CYTH3: variants seen among roughly 807,000 people sequenced by gnomAD.
CYTH3 encodes cytohesin-3.
CYTH3 carries 23 observed loss-of-function variants against 55.1 expected under a neutral mutation model. That is an observed-to-expected ratio of 0.42 (90% CI 0.30 to 0.59). CYTH3 has a LOEUF of 0.59. CYTH3 is among the 20% of genes least tolerant of loss of function. The pLI is 0.20. For synonymous variants in CYTH3, 249 were observed against 194.9 expected, an observed-to-expected ratio of 1.28 and a Z score of -2.31; for missense variants, 413 against 524.8, an observed-to-expected ratio of 0.79 and a Z score of 2.08.
intron 1 of CYTH3, among the ~76,000 whole-genome samples, chr7:6,225,775 G>A (rs1460450629): frequency 6.6e-6 from 1 of 152,006 alleles, no homozygotes; most frequent in African/African-American, 2.4e-5. Context: ...CGCCTCCTGG[G>A]TTCAAGCGGT....
chr7:6,188,673 C>T (rs1039176452), intron 2 of CYTH3: 1 of 152,254 alleles, frequency 6.6e-6, no homozygotes, highest in Admixed American at 6.5e-5. Context: ...GACCCCCTTT[C>T]CCTTGATGTG....
At chr7:6,204,025 C>T (rs762024409) in intron 1 of CYTH3, among the ~76,000 whole-genome samples, 3 of 151,192 alleles carry the variant, frequency 2.0e-5, no homozygotes, top group Non-Finnish European at 2.9e-5. Flanking sequence ...CTTCATATTT[C>T]ACTTTTTATA....
At chr7:6,263,186 G>T (rs1780397987) in intron 1 of CYTH3, among the ~76,000 whole-genome samples, 1 of 152,054 alleles carries the variant, frequency 6.6e-6, no homozygotes, top group Non-Finnish European at 1.5e-5. Context: ...TAATATAACA[G>T]CTTTTAAAAT....
At chr7:6,178,314 C>T (rs1014294577) in intron 4 of CYTH3, among the ~76,000 whole-genome samples, 1 of 152,232 alleles carries the variant, frequency 6.6e-6, no homozygotes. Context: ...TGGCCACTGC[C>T]GGTTGGCCAA....
chr7:6,252,609 A>G (rs1231899427), intron 1 of CYTH3, among the ~76,000 whole-genome samples: 1 of 152,164 alleles, frequency 6.6e-6, no homozygotes, highest in Non-Finnish European at 1.5e-5. Flanking sequence ...ATCACCGGAT[A>G]CATGAACAAC....
At chr7:6,181,868 A>C (rs1273637577) in intron 4 of CYTH3, among the ~76,000 whole-genome samples, 1 of 152,142 alleles carries the variant, frequency 6.6e-6, no homozygotes, top group African/African-American at 2.4e-5. Flanking sequence ...CATATGCTCA[A>C]GTGATGATGT....
intron 1 of CYTH3, among the ~76,000 whole-genome samples, chr7:6,246,250 A>G (rs991568616): frequency 4.6e-5 from 7 of 151,180 alleles, no homozygotes; most frequent in African/African-American, 1.7e-4. Flanking sequence ...TTTTTTTTTA[A>G]AAGAGACAGG....
chr7:6,210,959 G>A (rs775746254), intron 1 of CYTH3, among the ~76,000 whole-genome samples: 34 of 152,138 alleles, frequency 2.2e-4, no homozygotes, highest in Non-Finnish European at 4.6e-4. Context: ...TGGAGAAATC[G>A]ATATTCCGGA....
At position 6,171,252 on chromosome 7, in the gene CYTH3, G is replaced by T; in HGVS notation, c.512C>A (p.Ala171Asp). The T allele has an allele frequency of 6.2e-7, 1 of 1,614,172 alleles. No individual in the cohort carries two copies. Among genetic ancestry groups the T allele is most frequent in the African/African-American group, 1.3e-5 (1 of 75,052 alleles). ...EAQKIDRMME[A>D]FASRYCLCNP... Reference sequence around the variant, plus strand: ...GCACAGGCAGTAGCGAGAAGCGAAAGCCTCCATCATGCGATCAATCTTCTG... The same window carrying T: ...GCACAGGCAGTAGCGAGAAGCGAAATCCTCCATCATGCGATCAATCTTCTG... Residue 171 changes from alanine (A) to aspartate (D), a missense_variant, in exon 7 of 13, where the codon GCT (alanine) becomes GAT (aspartate). Ala to Asp is a moderately radical substitution (Grantham distance 126, BLOSUM62 -2). Coordinates refer to ENST00000350796, the MANE Select transcript of CYTH3 (RefSeq NM_004227.4). The surrounding 1 kb of genome is among the most constrained non-coding windows in gnomAD (Gnocchi z 6.7).
intron 1 of CYTH3, among the ~76,000 whole-genome samples, chr7:6,252,438 G>A (rs1019564649): frequency 6.6e-6 from 1 of 152,112 alleles, no homozygotes; most frequent in Non-Finnish European, 1.5e-5. Flanking sequence ...GACTAGTCAC[G>A]AACAAAATTA....
chr7:6,165,657 C>G (rs1364713635), intron 10 of CYTH3, 41 bp from the exon 11 acceptor site: 2 of 1,613,020 alleles, frequency 1.2e-6, no homozygotes, highest in Non-Finnish European at 1.7e-6. Context: ...CTGTGGGTCA[C>G]CAGCCTGAGG....
chr7:6,259,763 ATATATATAT>A lies in CYTH3; in HGVS notation c.34+12702_34+12710del, dbSNP rs1184411332. Among the ~76,000 whole-genome samples, 58 of 25,306 alleles carry A rather than the reference ATATATATAT, an allele frequency of 2.3e-3. 2 individuals carry two copies. Among genetic ancestry groups the A allele is most frequent in the South Asian group, 0.011 (9 of 846 alleles). The allele number at this position is 25,306 out of a possible 152,430, so 16.6% of individuals were successfully genotyped here. ...TATATAATATATATATATATTATAT[ATATATATAT>A]TATATATATATAATATATATATATA... is the stretch of plus-strand genomic sequence containing the variant. On this transcript the variant is annotated intron_variant, in intron 1 of 12. Coordinates refer to ENST00000350796, the MANE Select transcript of CYTH3 (RefSeq NM_004227.4).
intron 1 of CYTH3, among the ~76,000 whole-genome samples, chr7:6,233,920 TTC>T (rs77752226): frequency 0.15 from 22,487 of 152,104 alleles, 2,177 homozygotes; most frequent in Middle Eastern, 0.3. Context: ...CAGCTGCCTT[TTC>T]TCTGTGTCCT....
intron 1 of CYTH3, among the ~76,000 whole-genome samples, chr7:6,204,123 AT>A (rs1784128783): frequency 6.6e-6 from 1 of 152,144 alleles, no homozygotes; most frequent in African/African-American, 2.4e-5. Context: ...AGTGAGAAGG[AT>A]TCATTGCCCC....
At chr7:6,263,872 C>G (rs1780417472) in intron 1 of CYTH3, among the ~76,000 whole-genome samples, 1 of 151,888 alleles carries the variant, frequency 6.6e-6, no homozygotes, top group African/African-American at 2.4e-5. Flanking sequence ...TAAACAAGGT[C>G]TATATATAAT....
intron 1 of CYTH3, among the ~76,000 whole-genome samples, chr7:6,249,013 G>A (rs1325114421): frequency 6.6e-6 from 1 of 152,134 alleles, no homozygotes; most frequent in East Asian, 1.9e-4. Context: ...TGTTTCTATA[G>A]AAATTTTATT....
chr7:6,200,327 C>T (rs1197535433), intron 1 of CYTH3, among the ~76,000 whole-genome samples: 4 of 152,172 alleles, frequency 2.6e-5, no homozygotes, highest in African/African-American at 4.8e-5. Flanking sequence ...AGATCTTCCA[C>T]GGAGTTCACT....
chr7:6,239,181 T>C (rs1218700607), intron 1 of CYTH3, among the ~76,000 whole-genome samples: 4 of 152,112 alleles, frequency 2.6e-5, no homozygotes, highest in African/African-American at 9.7e-5. Context: ...ACCACTTTAC[T>C]CCAGCCTGGG....
At chr7:6,216,883 G>A (rs986569690) in intron 1 of CYTH3, among the ~76,000 whole-genome samples, 3 of 147,012 alleles carry the variant, frequency 2.0e-5, no homozygotes, top group African/African-American at 5.1e-5. Flanking sequence ...AAAAAGAAAT[G>A]GCAGACTTAA....
Sources: gnomAD v4.1 joint callset for allele counts (sites outside exome capture counted in the v4.1 genomes callset) on GRCh38, gnomAD v4.1.1 for gene constraint, Gnocchi (gnomAD v3.1) non-coding constraint, MANE v1.5 for transcripts, NCBI Gene and HGNC (gene_info 2026-07-23, HGNC 2026-07-21) for gene names.